The following RAB3C variants were observed in gnomAD, a reference collection of about 807,000 sequenced individuals.
RAB3C encodes RAB3C, member RAS oncogene family, also known as ras-related protein Rab-3C.
RAB3C carries 17 observed loss-of-function variants against 26.4 expected under a neutral mutation model. The ratio of observed to expected loss-of-function variants is 0.64; its 90% CI spans 0.44 to 0.97. The LOEUF (loss-of-function observed/expected upper bound fraction) is 0.97, where lower values mean the gene tolerates loss of function less well. Ranked by LOEUF, RAB3C falls within the 50% of genes least tolerant of loss-of-function variation. The pLI is 0.00. For missense variants in RAB3C, 242 were observed against 281.9 expected (o/e 0.86, Z 1.01); for synonymous variants, 91 against 95.9 (o/e 0.95, Z 0.30).
intron 3 of RAB3C, among the ~76,000 whole-genome samples, chr5:58,794,882 G>T (rs1276011744): frequency 6.6e-6 from 1 of 152,230 alleles, no homozygotes; most frequent in Non-Finnish European, 1.5e-5. Flanking sequence ...CCCTTCAGTA[G>T]GTTCTGTGGA....
intron 3 of RAB3C, among the ~76,000 whole-genome samples, chr5:58,729,364 C>A (rs1414145968): frequency 1.3e-5 from 2 of 151,798 alleles, no homozygotes; most frequent in African/African-American, 2.4e-5. Flanking sequence ...CTCCAGAATT[C>A]TTATCATCTT....
intron 2 of RAB3C, among the ~76,000 whole-genome samples, chr5:58,663,577 G>A (rs1747946721): frequency 6.9e-6 from 1 of 144,742 alleles, no homozygotes. Flanking sequence ...GTAACTATTA[G>A]CTAAAAGTAA....
At position 58,649,538 on chromosome 5, in the gene RAB3C, C is replaced by T. The variant is rs188238104; in HGVS notation, c.252+31668C>T. 2.7e-4 allele frequency among the ~76,000 whole-genome samples: 41 copies of T among 152,106 alleles called. 1 individual carries two copies. The highest frequency in any genetic ancestry group is 1.4e-3 in the Admixed American group (21 of 15,258). ...CGACCCATCTCCACCTTACTGTCTG[C>T]CCATTTCCCCTCCCAGGTCTCTTAA... On this transcript the variant is annotated intron_variant, in intron 2 of 4. Transcript: ENST00000282878.
intron 4 of RAB3C, among the ~76,000 whole-genome samples, chr5:58,834,398 C>T (rs528852139): frequency 2.6e-5 from 4 of 152,310 alleles, no homozygotes; most frequent in South Asian, 2.1e-4. Context: ...CCTCTTACCC[C>T]TGCAAAAACA....
At chr5:58,655,789 CTTTTTTTT>C (rs34352086) in intron 2 of RAB3C, among the ~76,000 whole-genome samples, 3 of 91,644 alleles carry the variant, frequency 3.3e-5, no homozygotes, top group Admixed American at 2.8e-4. Flanking sequence ...AAACCTAACT[CTTTTTTTT>C]TTTTTTTTTT....
In RAB3C at chr5:58,797,396, T is replaced by TATATATATAC. The variant is rs1561133620; in HGVS notation, c.372-27641_372-27640insTATATATACA. Among the ~76,000 whole-genome samples, 34 of 116,786 alleles carry TATATATATAC rather than the reference T, an allele frequency of 2.9e-4. 2 individuals are homozygous for TATATATATAC. Among genetic ancestry groups the TATATATATAC allele is most frequent in the African/African-American group, 1.1e-3 (31 of 28,002 alleles). 76.6% of individuals were successfully genotyped at this position (116,786 alleles called of 152,430 possible). A position where few individuals can be genotyped will look rare whatever the true frequency, so the allele number is the denominator to read the frequency against. ...ATATATATATATATATATATATATA[T>TATATATATAC]ACACAGAGAGAGAGAGAGAAATTTA... On this transcript the variant is annotated intron_variant, in intron 3 of 4. Coordinates refer to ENST00000282878, the MANE Select transcript of RAB3C (RefSeq NM_138453.4).
At chr5:58,690,817 G>A (rs1159943306) in intron 2 of RAB3C, among the ~76,000 whole-genome samples, 3 of 152,114 alleles carry the variant, frequency 2.0e-5, no homozygotes, top group African/African-American at 7.2e-5. Context: ...GTATAGTTAG[G>A]TGGAGATCAT....
intron 2 of RAB3C, among the ~76,000 whole-genome samples, chr5:58,675,548 G>A (rs1748205372): frequency 6.7e-6 from 1 of 149,540 alleles, no homozygotes. Context: ...AGTCACAGTT[G>A]TACTGAAATG....
chr5:58,735,923 T>C (rs1741123532), intron 3 of RAB3C, among the ~76,000 whole-genome samples: 1 of 152,056 alleles, frequency 6.6e-6, no homozygotes, highest in African/African-American at 2.4e-5. Flanking sequence ...GATAGAGCTT[T>C]CCCAATCTCC....
At chr5:58,669,744 G>A (rs1561284230) in intron 2 of RAB3C, among the ~76,000 whole-genome samples, 2 of 152,140 alleles carry the variant, frequency 1.3e-5, no homozygotes, top group Admixed American at 1.3e-4. Context: ...TCAAATGAAT[G>A]ACTCATGTAA....
chr5:58,708,353 A>G (rs1579871019), intron 2 of RAB3C, among the ~76,000 whole-genome samples: 1 of 152,292 alleles, frequency 6.6e-6, no homozygotes, highest in East Asian at 1.9e-4. Context: ...ACCCTTGCCC[A>G]TCTGCCTGCT....
At chr5:58,778,534 G>A (rs895675338) in intron 3 of RAB3C, among the ~76,000 whole-genome samples, 1 of 152,078 alleles carries the variant, frequency 6.6e-6, no homozygotes, top group Non-Finnish European at 1.5e-5. Flanking sequence ...TTGAAACAGT[G>A]GATAAAGGAT....
In RAB3C at chr5:58,584,611, T is replaced by G. The variant is rs183100129; in HGVS notation, c.24+1379T>G. Among the ~76,000 whole-genome samples, 33 of 152,336 alleles carry G rather than the reference T, an allele frequency of 2.2e-4. No homozygotes were observed. The East Asian group carries it at 6.0e-3, about 28-fold the overall frequency. On this transcript the variant is annotated intron_variant, in intron 1 of 4. Coordinates refer to ENST00000282878, the MANE Select transcript of RAB3C (RefSeq NM_138453.4). Reference sequence around the variant, plus strand: ...GCCAACTGGCTAAATTAATCATATTTAATTATAAGTAAACACTAATTGTAG... The same window carrying G: ...GCCAACTGGCTAAATTAATCATATTGAATTATAAGTAAACACTAATTGTAG...
At chr5:58,644,646 G>A (rs993274940) in intron 2 of RAB3C, among the ~76,000 whole-genome samples, 10 of 152,146 alleles carry the variant, frequency 6.6e-5, no homozygotes, top group Admixed American at 5.2e-4. Flanking sequence ...AGGTTGAATC[G>A]AGAATCAAGA....
chr5:58,633,679 A>G (rs1047582361), intron 2 of RAB3C, among the ~76,000 whole-genome samples: 5 of 152,060 alleles, frequency 3.3e-5, no homozygotes, highest in Admixed American at 1.3e-4. Flanking sequence ...ATGGGCTCCT[A>G]AGGGTTATGG....
At chr5:58,715,305 A>G (rs1749148139) in intron 2 of RAB3C, among the ~76,000 whole-genome samples, 1 of 151,702 alleles carries the variant, frequency 6.6e-6, no homozygotes, top group African/African-American at 2.4e-5. Context: ...TAGAGGGTAG[A>G]CAAAGTTGTG....
At chr5:58,842,702 C>T (rs147746031) in intron 4 of RAB3C, among the ~76,000 whole-genome samples, 1 of 152,318 alleles carries the variant, frequency 6.6e-6, no homozygotes, top group East Asian at 1.9e-4. Flanking sequence ...GTTCCTTTTC[C>T]ATATTCAAAC....
chr5:58,738,788 G>A (rs78634065), intron 3 of RAB3C, among the ~76,000 whole-genome samples: 2,872 of 152,130 alleles, frequency 0.019, 89 homozygotes, highest in African/African-American at 0.065. Context: ...ATACTCCCTC[G>A]CAACTCTTAA....
chr5:58,740,768 TGAG>T, intron 3 of RAB3C, among the ~76,000 whole-genome samples: 1 of 152,166 alleles, frequency 6.6e-6, no homozygotes, highest in Admixed American at 6.5e-5. Context: ...TGCAGTGAGC[TGAG>T]ATCATGCCAC....
Sources: gnomAD v4.1 joint callset for allele counts (sites outside exome capture counted in the v4.1 genomes callset) on GRCh38, gnomAD v4.1.1 for gene constraint, MANE v1.5 for transcripts, NCBI Gene and HGNC (gene_info 2026-07-23, HGNC 2026-07-21) for gene names.